Variants in CADM2 observed in about 807,000 individuals in gnomAD.
CADM2 encodes immunoglobulin superfamily member 4D.
CADM2 carries 12 observed loss-of-function variants against 49.8 expected under a neutral mutation model. The observed-to-expected ratio is 0.24, with a 90% CI of 0.15 to 0.39. CADM2 has a LOEUF of 0.39. Ranked by LOEUF, CADM2 falls within the 10% of genes least tolerant of loss-of-function variation. CADM2 has a pLI of 1.00. For missense variants in CADM2, 378 were observed against 492.3 expected (o/e 0.77, Z 2.20); for synonymous variants, 214 against 175.4 (o/e 1.22, Z -1.74).
intron 1 of CADM2, among the ~76,000 whole-genome samples, chr3:85,467,068 C>G (rs1331787758): frequency 6.6e-6 from 1 of 152,046 alleles, no homozygotes. Context: ...GACAGATGCA[C>G]CATCTAAATT....
intron 1 of CADM2, among the ~76,000 whole-genome samples, chr3:85,240,604 A>C (rs1191947174): frequency 6.6e-6 from 1 of 151,634 alleles, no homozygotes; most frequent in Non-Finnish European, 1.5e-5. Flanking sequence ...TAGCAATATC[A>C]ATGGGGCAAG....
At chr3:85,669,373 G>C (rs2065669426) in intron 1 of CADM2, among the ~76,000 whole-genome samples, 1 of 152,094 alleles carries the variant, frequency 6.6e-6, no homozygotes, top group Non-Finnish European at 1.5e-5. Context: ...ATGAAAAGAG[G>C]AGAAAAAGGT....
chr3:85,636,614 C>G (rs945736004), intron 1 of CADM2, among the ~76,000 whole-genome samples: 6 of 152,132 alleles, frequency 3.9e-5, no homozygotes, highest in African/African-American at 1.4e-4. Context: ...CCTTCACATT[C>G]ACTCACCACT....
intron 8 of CADM2, among the ~76,000 whole-genome samples, chr3:85,978,356 G>T (rs1727049159): frequency 6.6e-6 from 1 of 151,446 alleles, no homozygotes; most frequent in Non-Finnish European, 1.5e-5. Flanking sequence ...TTAACTTTTG[G>T]CAACTTAACT....
intron 1 of CADM2, among the ~76,000 whole-genome samples, chr3:85,639,795 G>C (rs550348159): frequency 6.6e-6 from 1 of 152,060 alleles, no homozygotes; most frequent in Non-Finnish European, 1.5e-5. Flanking sequence ...TGAATCACTG[G>C]TATGGAATGT....
At chr3:85,696,065 CT>C (rs1156416821) in intron 1 of CADM2, among the ~76,000 whole-genome samples, 1 of 151,812 alleles carries the variant, frequency 6.6e-6, no homozygotes, top group Non-Finnish European at 1.5e-5. Context: ...ATTTGTATAT[CT>C]TTTTTGAGAA....
At chr3:85,837,422 A>G (rs1015370349) in intron 3 of CADM2, among the ~76,000 whole-genome samples, 22 of 151,680 alleles carry the variant, frequency 1.5e-4, no homozygotes, top group African/African-American at 5.1e-4. Context: ...AGGGGGAAAA[A>G]AACAGTTCCA....
chr3:86,016,817 A>G (rs1251928339), intron 8 of CADM2, among the ~76,000 whole-genome samples: 1 of 152,192 alleles, frequency 6.6e-6, no homozygotes, highest in Non-Finnish European at 1.5e-5. Flanking sequence ...ACTAGTTTCC[A>G]AAAGTGTTCT....
chr3:85,060,777 GA>G (rs974100656), intron 1 of CADM2, among the ~76,000 whole-genome samples: 2 of 152,022 alleles, frequency 1.3e-5, no homozygotes, highest in African/African-American at 4.8e-5. Flanking sequence ...AAGTGTTTAT[GA>G]AATGATATGT....
In CADM2 at chr3:85,113,631, T is replaced by C. The variant is rs2038536312; in HGVS notation, c.61+153963T>C. 1.3e-5 allele frequency among the ~76,000 whole-genome samples: 2 copies of C among 151,730 alleles called. 1 individual carries two copies. Among genetic ancestry groups the C allele is most frequent in the South Asian group, 4.1e-4 (2 of 4,834 alleles). ...TGAAATATTTTACATTATATACTTCTAAATGTAATTAAAGCAATTTTATTT... is the reference window on the plus strand; with the variant it reads ...TGAAATATTTTACATTATATACTTCCAAATGTAATTAAAGCAATTTTATTT... On this transcript the variant is annotated intron_variant, in intron 1 of 9. Transcript: ENST00000383699.
At chr3:85,979,269 C>T (rs1213185390) in intron 8 of CADM2, 1 of 1,610,182 alleles carries the variant, frequency 6.2e-7, no homozygotes. Context: ...TCTGCAACAA[C>T]CAGCAGCATC....
chr3:85,248,303 C>A (rs897654565), intron 1 of CADM2, among the ~76,000 whole-genome samples: 3 of 151,914 alleles, frequency 2.0e-5, no homozygotes, highest in Non-Finnish European at 4.4e-5. Context: ...GAGACAGAGT[C>A]TCGCTCGGTC....
intron 1 of CADM2, among the ~76,000 whole-genome samples, chr3:85,064,117 CAG>C (rs900621161): frequency 1.3e-5 from 2 of 152,114 alleles, no homozygotes; most frequent in Non-Finnish European, 2.9e-5. Flanking sequence ...AAGGAATTCT[CAG>C]AGTTTCCCGC....
intron 1 of CADM2, among the ~76,000 whole-genome samples, chr3:85,255,448 G>A (rs529263843): frequency 6.6e-6 from 1 of 152,028 alleles, no homozygotes; most frequent in South Asian, 2.1e-4. Flanking sequence ...ATGAATGAAT[G>A]ACAAAGCCAT....
At chr3:85,741,906 A>T (rs2068408373) in intron 2 of CADM2, among the ~76,000 whole-genome samples, 1 of 152,226 alleles carries the variant, frequency 6.6e-6, no homozygotes, top group Non-Finnish European at 1.5e-5. Flanking sequence ...AATTATAAGG[A>T]ATCATGCAGT....
chr3:85,010,168 T>C (rs1481756164), intron 1 of CADM2, among the ~76,000 whole-genome samples: 1 of 152,034 alleles, frequency 6.6e-6, no homozygotes, highest in East Asian at 1.9e-4. Flanking sequence ...TTGTAGAAAG[T>C]GGAGTAATGG....
intron 1 of CADM2, among the ~76,000 whole-genome samples, chr3:85,240,794 T>C (rs1164940470): frequency 1.3e-5 from 2 of 151,566 alleles, no homozygotes; most frequent in African/African-American, 2.4e-5. Flanking sequence ...GATGCACCTA[T>C]TATTTTGTAA....
At chr3:85,779,516 T>C (rs1037039016) in intron 2 of CADM2, among the ~76,000 whole-genome samples, 2 of 152,070 alleles carry the variant, frequency 1.3e-5, no homozygotes, top group African/African-American at 4.8e-5. Flanking sequence ...CTTCTTCACA[T>C]AGCAACAACA....
rs998865771 is a variant in CADM2, at chr3:85,308,440, G to A, written c.61+348772G>A. On this transcript the variant is annotated intron_variant, in intron 1 of 9. Coordinates refer to ENST00000383699, the MANE Select transcript of CADM2 (RefSeq NM_001167675.2). ...AGTACTGAACAATAGGAATTTATTCGAAATTTTGAAGAACTTCAGAGAGAG... is the reference window on the plus strand; with the variant it reads ...AGTACTGAACAATAGGAATTTATTCAAAATTTTGAAGAACTTCAGAGAGAG... Among the ~76,000 whole-genome samples the A allele has an allele frequency of 9.9e-5, 15 of 151,580 alleles. No homozygotes were observed. In the East Asian group the frequency reaches 1.4e-3, roughly 14 times the overall value.
Sources: allele counts gnomAD v4.1 joint callset (sites outside exome capture counted in the v4.1 genomes callset), GRCh38; gene constraint gnomAD v4.1.1; transcripts MANE v1.5; gene names NCBI Gene and HGNC (gene_info 2026-07-23, HGNC 2026-07-21).